IL1RAPL1: variants seen among roughly 807,000 people sequenced by gnomAD.
IL1RAPL1 encodes the protein interleukin 1 receptor accessory protein like 1.
In IL1RAPL1, 3 loss-of-function variants were observed where a neutral mutation model predicts 48.4. The ratio of observed to expected loss-of-function variants is 0.06; its 90% CI spans 0.03 to 0.16. The LOEUF (loss-of-function observed/expected upper bound fraction) is 0.16, where lower values mean the gene tolerates loss of function less well. IL1RAPL1 is among the 10% of genes least tolerant of loss of function. The pLI is 1.00. For missense variants in IL1RAPL1, 349 were observed against 530.6 expected, an observed-to-expected ratio of 0.66 and a Z score of 3.36; for synonymous variants, 185 against 187.7, an observed-to-expected ratio of 0.99 and a Z score of 0.12.
intron 2 of IL1RAPL1, among the ~76,000 whole-genome samples, chrX:29,004,815 T>C (rs111865783): frequency 0.025 from 2,769 of 111,142 alleles, 96 homozygotes; most frequent in African/African-American, 0.087. Flanking sequence ...GAGGCTTGAT[T>C]GTGCCACTGC....
Position 29,828,873 on chromosome X carries a change from G to A in IL1RAPL1, c.779-88591G>A, listed in dbSNP as rs944151170. On this transcript the variant is annotated intron_variant, in intron 6 of 10. Coordinates refer to ENST00000378993, the MANE Select transcript of IL1RAPL1 (RefSeq NM_014271.4). ...ATGGCCAGCTCCAAGACAGGAAGGTGGGGAGAGATTAGAGTCCTGCCGGGG... is the reference window on the plus strand; with the variant it reads ...ATGGCCAGCTCCAAGACAGGAAGGTAGGGAGAGATTAGAGTCCTGCCGGGG... Among the ~76,000 whole-genome samples, 3 of 109,611 alleles carry A rather than the reference G, an allele frequency of 2.7e-5. No homozygotes were observed. The East Asian group carries it at 8.6e-4, about 31-fold the overall frequency.
chrX:28,718,111 A>T (rs1254914140), intron 1 of IL1RAPL1, among the ~76,000 whole-genome samples: 1 of 111,655 alleles, frequency 9.0e-6, no homozygotes, highest in Non-Finnish European at 1.9e-5. Context: ...AAGGAGAATG[A>T]GAAATCATTC....
intron 5 of IL1RAPL1, among the ~76,000 whole-genome samples, chrX:29,562,074 ATCTATCTAATCTATCTG>A (rs1212446040): frequency 5.2e-5 from 5 of 95,822 alleles, no homozygotes; most frequent in African/African-American, 1.7e-4. Flanking sequence ...CTATCTATCT[ATCTATCTAATCTATCTG>A]TCTATCTATC....
At chrX:29,767,044 A>G (rs771122305) in intron 6 of IL1RAPL1, among the ~76,000 whole-genome samples, 3 of 111,060 alleles carry the variant, frequency 2.7e-5, no homozygotes, top group African/African-American at 9.8e-5. Context: ...ATCAAGAGCC[A>G]TACAATACAT....
intron 2 of IL1RAPL1, among the ~76,000 whole-genome samples, chrX:29,212,469 C>G (rs5943620): frequency 0.39 from 42,488 of 110,120 alleles, 7,939 homozygotes; most frequent in Non-Finnish European, 0.57. Flanking sequence ...CCACCATGCC[C>G]AGCTAATTTT....
Position 29,563,313 on chromosome X carries a change from T to C in IL1RAPL1, c.704-105117T>C, listed in dbSNP as rs1297994763. On this transcript the variant is annotated intron_variant, in intron 5 of 10. Coordinates refer to ENST00000378993, the MANE Select transcript of IL1RAPL1 (RefSeq NM_014271.4). ...CCAAGTAATTTAATTTTTGTCCCAATTGAATTTTAAGAATAGAGCTAAATT... is the reference window on the plus strand; with the variant it reads ...CCAAGTAATTTAATTTTTGTCCCAACTGAATTTTAAGAATAGAGCTAAATT... Among the ~76,000 whole-genome samples, 9 of 112,140 alleles carry C rather than the reference T, an allele frequency of 8.0e-5. No individual in the cohort carries two copies. The East Asian group carries it at 2.2e-3, about 28-fold the overall frequency.
rs774549394 is a variant in IL1RAPL1 at position 28,931,723 on chromosome X, T to A, written c.82+142298T>A. ...AATAATAGCCATGCAAACTTATTTTTCAAATGGTGTTATCTGTGCTATATT... is the reference window on the plus strand; with the variant it reads ...AATAATAGCCATGCAAACTTATTTTACAAATGGTGTTATCTGTGCTATATT... On this transcript the variant is annotated intron_variant, in intron 2 of 10. Coordinates refer to ENST00000378993, the MANE Select transcript of IL1RAPL1 (RefSeq NM_014271.4). Among the ~76,000 whole-genome samples the A allele has an allele frequency of 1.6e-4, 18 of 111,899 alleles. 1 individual carries two copies. The East Asian group carries it at 4.7e-3, about 30-fold the overall frequency.
At chrX:29,322,022 C>CTAAT (rs1487408001) in intron 3 of IL1RAPL1, among the ~76,000 whole-genome samples, 1 of 109,917 alleles carries the variant, frequency 9.1e-6, no homozygotes, top group East Asian at 2.8e-4. Flanking sequence ...AAAAAAAACC[C>CTAAT]TAATTTTCAA....
chrX:29,402,825 T>C (rs1934010806), intron 5 of IL1RAPL1, among the ~76,000 whole-genome samples: 1 of 109,960 alleles, frequency 9.1e-6, no homozygotes, highest in African/African-American at 3.3e-5. Context: ...TTTTGAGGAG[T>C]ATTTTGTCGA....
At chrX:29,633,718 G>A (rs1185240120) in intron 5 of IL1RAPL1, among the ~76,000 whole-genome samples, 1 of 111,209 alleles carries the variant, frequency 9.0e-6, no homozygotes, top group East Asian at 2.8e-4. Flanking sequence ...TATTCCTAGC[G>A]TCTAGTGTCT....
intron 6 of IL1RAPL1, among the ~76,000 whole-genome samples, chrX:29,707,821 A>C (rs1927241409): frequency 9.1e-6 from 1 of 110,497 alleles, no homozygotes; most frequent in African/African-American, 3.3e-5. Context: ...AATACTACAC[A>C]CTGGGTACAG....
chrX:29,521,410 C>T (rs767792195), intron 5 of IL1RAPL1, among the ~76,000 whole-genome samples: 1 of 111,822 alleles, frequency 8.9e-6, no homozygotes, highest in Non-Finnish European at 1.9e-5. Context: ...TCTAGTTATT[C>T]ATGTTATATG....
At chrX:29,119,352 A>G (rs966864581) in intron 2 of IL1RAPL1, among the ~76,000 whole-genome samples, 1 of 111,532 alleles carries the variant, frequency 9.0e-6, no homozygotes, top group Non-Finnish European at 1.9e-5. Flanking sequence ...TCATTGGCAC[A>G]CTTACAAGAG....
intron 6 of IL1RAPL1, among the ~76,000 whole-genome samples, chrX:29,910,930 A>G (rs912000741): frequency 2.7e-5 from 3 of 111,772 alleles, no homozygotes; most frequent in African/African-American, 9.8e-5. Context: ...AGGAATGTAA[A>G]ATGGCACAGC....
chrX:29,185,736 A>G (rs954182648), intron 2 of IL1RAPL1, among the ~76,000 whole-genome samples: 8 of 111,755 alleles, frequency 7.2e-5, no homozygotes, highest in Non-Finnish European at 1.5e-4. Context: ...ACAACTAATT[A>G]TAAGGAAGTA....
chrX:29,677,640 A>G (rs1271112020), intron 6 of IL1RAPL1, among the ~76,000 whole-genome samples: 4 of 111,718 alleles, frequency 3.6e-5, no homozygotes, highest in Admixed American at 2.9e-4. Flanking sequence ...TGCATCTCCA[A>G]CTGATCCAGA....
chrX:29,738,450 C>CTTTTTT (rs59952038), intron 6 of IL1RAPL1, among the ~76,000 whole-genome samples: 226 of 86,040 alleles, frequency 2.6e-3, no homozygotes, highest in Non-Finnish European at 3.7e-3. Flanking sequence ...CTTTTCTTTT[C>CTTTTTT]TTTTTTTTTT....
intron 3 of IL1RAPL1, among the ~76,000 whole-genome samples, chrX:29,297,723 C>G (rs1932470186): frequency 8.9e-6 from 1 of 112,125 alleles, no homozygotes; most frequent in South Asian, 3.6e-4. Context: ...CGAGCTGGAT[C>G]TTTTGATTTC....
intron 5 of IL1RAPL1, among the ~76,000 whole-genome samples, chrX:29,425,984 T>G (rs907789582): frequency 9.0e-6 from 1 of 111,470 alleles, no homozygotes; most frequent in Non-Finnish European, 1.9e-5. Flanking sequence ...CATTCAACTC[T>G]CCTTCCCTTT....
Sources: allele counts gnomAD v4.1 joint callset (sites outside exome capture counted in the v4.1 genomes callset), GRCh38; gene constraint gnomAD v4.1.1; transcripts MANE v1.5; gene names NCBI Gene and HGNC (gene_info 2026-07-23, HGNC 2026-07-21).